Variants in CXADR observed in about 807,000 individuals in gnomAD.
CXADR encodes coxsackievirus and adenovirus receptor.
In CXADR, 20 loss-of-function variants were observed where a neutral mutation model predicts 40.3. The ratio of observed to expected loss-of-function variants is 0.50; its 90% CI spans 0.35 to 0.72. The LOEUF (loss-of-function observed/expected upper bound fraction) is 0.72. Among genes scored for constraint, CXADR ranks in the 30% least tolerant of loss-of-function variants. The pLI is 0.01. For synonymous variants in CXADR, 150 were observed against 161.3 expected (o/e 0.93, Z 0.53); for missense variants, 332 against 449.1 (o/e 0.74, Z 2.36).
chr21:17,619,766 C>A, the CXADR span, among the ~76,000 whole-genome samples: 2 of 114,748 alleles, frequency 1.7e-5, no homozygotes, highest in African/African-American at 6.7e-5. Flanking sequence ...ATGTTCTTAG[C>A]TAGATCTTCT....
At chr21:17,544,900 G>T (rs1165335587) in intron 1 of CXADR, among the ~76,000 whole-genome samples, 2 of 152,114 alleles carry the variant, frequency 1.3e-5, no homozygotes, top group Non-Finnish European at 2.9e-5. Flanking sequence ...TATTAGAACT[G>T]ATAGTCTGTG....
At chr21:17,588,851 A>G (rs1278075614) in intron 7 of CXADR, among the ~76,000 whole-genome samples, 1 of 152,088 alleles carries the variant, frequency 6.6e-6, no homozygotes, top group Non-Finnish European at 1.5e-5. Flanking sequence ...GGATTTTAAA[A>G]TTATGATTTC....
In CXADR at chr21:17,540,306, C is replaced by T. The variant is rs565368954; in HGVS notation, c.44-6721C>T. ...TTGGGGGGGACATGATTTACTCTAC[C>T]GCCGTCCCCCAAAAGTATTTTTATT... is the stretch of plus-strand genomic sequence containing the variant. On this transcript the variant is annotated intron_variant, in intron 1 of 6. Transcript: ENST00000284878. Among the ~76,000 whole-genome samples the T allele has an allele frequency of 8.5e-5, 13 of 152,170 alleles. No individual in the cohort carries two copies. The South Asian group carries it at 1.2e-3, about 15-fold the overall frequency.
At chr21:17,594,137 C>T (rs2061471650), downstream of CXADR, 2 of 1,613,076 alleles carry the variant, frequency 1.2e-6, no homozygotes, top group South Asian at 1.1e-5. Context: ...TGATTCCGGT[C>T]ACAATGCATT....
In CXADR at chr21:17,569,675, T is replaced by C. The variant is rs540974153; in HGVS notation, c.*3983T>C. ...TATAGCAGATAACCCCAGCCTCTTA[T>C]TCATTATGGTTAACTTTTATAATTT... is the stretch of plus-strand genomic sequence containing the variant. On this transcript the variant is annotated 3_prime_UTR_variant, in exon 7 of 7. Coordinates refer to ENST00000284878, the MANE Select transcript of CXADR (RefSeq NM_001338.5). 1.0e-6 allele frequency: 1 copy of C among 967,106 alleles called. No homozygotes were observed. The highest frequency in any genetic ancestry group is 4.8e-5 in the South Asian group (1 of 20,896). 59.9% of individuals were successfully genotyped at this position (967,106 alleles called of 1,614,324 possible). A position where few individuals can be genotyped will look rare whatever the true frequency, so the allele number is the denominator to read the frequency against.
At chr21:17,605,109 C>A in the CXADR span, 1 of 1,222,778 alleles carries the variant, frequency 8.2e-7, no homozygotes, top group East Asian at 2.6e-5. Context: ...AAAAAATACC[C>A]TGGTAGAGAA....
intron 1 of CXADR, among the ~76,000 whole-genome samples, chr21:17,536,707 T>A (rs1391860475): frequency 6.6e-6 from 1 of 152,154 alleles, no homozygotes; most frequent in Non-Finnish European, 1.5e-5. Context: ...TAACACTGCC[T>A]GTGGGGATCA....
chr21:17,517,885 TC>T (rs1204029256), intron 1 of CXADR, among the ~76,000 whole-genome samples: 1 of 152,192 alleles, frequency 6.6e-6, no homozygotes, highest in Non-Finnish European at 1.5e-5. Flanking sequence ...AAGAAGTTCT[TC>T]TGGGTCTGAC....
At chr21:17,562,988 T>A (rs1030876523) in intron 6 of CXADR, among the ~76,000 whole-genome samples, 2 of 152,224 alleles carry the variant, frequency 1.3e-5, no homozygotes, top group Non-Finnish European at 2.9e-5. Context: ...TTTCTCCATA[T>A]CAGCAATAAG....
intron 1 of CXADR, among the ~76,000 whole-genome samples, chr21:17,524,729 A>C (rs1393403772): frequency 6.6e-6 from 1 of 151,976 alleles, no homozygotes; most frequent in Non-Finnish European, 1.5e-5. Context: ...TCTACAAAAA[A>C]TACAAAAATT....
chr21:17,589,283 G>GT (rs1174877727), intron 7 of CXADR, among the ~76,000 whole-genome samples: 1 of 151,952 alleles, frequency 6.6e-6, no homozygotes, highest in Admixed American at 6.6e-5. Flanking sequence ...CATTGCAATT[G>GT]TTTAATTCAG....
In CXADR at chr21:17,547,839, T is replaced by G. The variant is rs1307582427; in HGVS notation, c.210+646T>G. Among the ~76,000 whole-genome samples, 4 of 152,192 alleles carry G rather than the reference T, an allele frequency of 2.6e-5. No individual in the cohort carries two copies. The East Asian group carries it at 7.7e-4, about 29-fold the overall frequency. ...AGCAAAAAACAATCTATAAAATATT[T>G]AGTCTTAAATTTAAAAAATCTTAAA... is the stretch of plus-strand genomic sequence containing the variant. On this transcript the variant is annotated intron_variant, in intron 2 of 6. Coordinates refer to ENST00000284878, the MANE Select transcript of CXADR (RefSeq NM_001338.5).
chr21:17,530,790 G>A (rs1036781097), intron 1 of CXADR, among the ~76,000 whole-genome samples: 2 of 152,164 alleles, frequency 1.3e-5, no homozygotes, highest in African/African-American at 4.8e-5. Context: ...CCGCAGCCTA[G>A]GCGACAGAGC....
intron 1 of CXADR, among the ~76,000 whole-genome samples, chr21:17,529,141 C>T (rs566917675): frequency 9.4e-5 from 14 of 148,340 alleles, no homozygotes; most frequent in Non-Finnish European, 1.5e-4. Flanking sequence ...CTGGTTCAAG[C>T]GATTCTCCTG....
intron 7 of CXADR, among the ~76,000 whole-genome samples, chr21:17,589,905 A>G (rs879744938): frequency 4.6e-5 from 7 of 151,974 alleles, no homozygotes; most frequent in Admixed American, 3.9e-4. Flanking sequence ...CCTCACCAAT[A>G]TTGGGCATTA....
Position 17,568,038 on chromosome 21 carries a change from T to A in CXADR, c.*2346T>A. On this transcript the variant is annotated 3_prime_UTR_variant, in exon 7 of 7. Coordinates refer to ENST00000284878, the MANE Select transcript of CXADR (RefSeq NM_001338.5). Reference sequence around the variant, plus strand: ...TTAGTTGAACCAGAGATCAAATATTTGCTCCCGAATTACTACTGGTAATCA... The same window carrying A: ...TTAGTTGAACCAGAGATCAAATATTAGCTCCCGAATTACTACTGGTAATCA... 1.0e-6 allele frequency: 1 copy of A among 985,196 alleles called. No individual in the cohort carries two copies. Among genetic ancestry groups the A allele is most frequent in the South Asian group, 4.7e-5 (1 of 21,290 alleles). 61.0% of individuals were successfully genotyped at this position (985,196 alleles called of 1,614,324 possible). A position where few individuals can be genotyped will look rare whatever the true frequency, so the allele number is the denominator to read the frequency against.
At position 17,584,796 on chromosome 21, in the gene CXADR, G is replaced by A. The variant is rs78484542; in HGVS notation, c.1018-8356G>A. Among the ~76,000 whole-genome samples, 1,056 of 152,170 alleles carry A rather than the reference G, an allele frequency of 6.9e-3. 53 individuals are homozygous for A. In the East Asian group the frequency reaches 0.12, roughly 17 times the overall value. On this transcript the variant is annotated intron_variant, in intron 7 of 7. Transcript: ENST00000400169. Reference sequence around the variant, plus strand: ...CAGTGAGCCGAGATTGCACCACTGCGCTCCACCACAGAGAGAGACTCCGTC... The same window carrying A: ...CAGTGAGCCGAGATTGCACCACTGCACTCCACCACAGAGAGAGACTCCGTC...
At chr21:17,591,933 A>G (rs763232028) in intron 7 of CXADR, among the ~76,000 whole-genome samples, 1 of 151,954 alleles carries the variant, frequency 6.6e-6, no homozygotes, top group Admixed American at 6.6e-5. Context: ...TTCATTAGGA[A>G]TAGATTGGAA....
intron 6 of CXADR, among the ~76,000 whole-genome samples, chr21:17,563,944 A>AAAAAAAAAAAAAAAAAAC: frequency 6.8e-6 from 1 of 146,836 alleles, no homozygotes. Flanking sequence ...CTGTCTCAAA[A>AAAAAAAAAAAAAAAAAAC]AAAAAAAAAA....
Sources: allele counts gnomAD v4.1 joint callset (sites outside exome capture counted in the v4.1 genomes callset), GRCh38; gene constraint gnomAD v4.1.1; transcripts MANE v1.5; gene names NCBI Gene and HGNC (gene_info 2026-07-23, HGNC 2026-07-21).